The following PSMG1 variants were observed in gnomAD, a reference collection of about 807,000 sequenced individuals.
PSMG1 encodes proteasome assembly chaperone 1.
A neutral mutation model predicts 37.2 loss-of-function variants in PSMG1; 23 were observed. The ratio of observed to expected loss-of-function variants is 0.62; its 90% confidence interval spans 0.44 to 0.88. The LOEUF is 0.88. PSMG1 is among the 40% of genes least tolerant of loss of function. The pLI, the probability that PSMG1 is intolerant of heterozygous loss-of-function variation, is 0.00. For synonymous variants in PSMG1, 127 were observed against 128.0 expected (o/e 0.99, Z 0.05); for missense variants, 340 against 344.2 (o/e 0.99, Z 0.10).
intron 6 of PSMG1, 125 bp from the exon 7 acceptor site, chr21:39,175,789 C>A: frequency 1.6e-6 from 1 of 629,158 alleles, no homozygotes; most frequent in East Asian, 2.8e-5. Flanking sequence ...ACAGGCGTGG[C>A]CTTTACTCTC....
intron 1 of PSMG1, among the ~76,000 whole-genome samples, chr21:39,182,778 ACAT>A (rs1314413788): frequency 2.0e-5 from 3 of 152,160 alleles, no homozygotes; most frequent in Non-Finnish European, 4.4e-5. Context: ...GGCTACTGAC[ACAT>A]CATGCTAATT....
chr21:39,178,552 A>G lies in PSMG1; in HGVS notation c.552T>C (p.Leu184=), dbSNP rs1404330974. 3 of 1,614,158 alleles carry G rather than the reference A, an allele frequency of 1.9e-6. No individual in the cohort carries two copies. The highest frequency in any genetic ancestry group is 1.7e-5 in the Admixed American group (1 of 60,020). The change falls in exon 5 of 7, where the codon CTT becomes CTC. Residue 184 remains leucine, a synonymous_variant. Transcript: ENST00000331573. ...DYKTSESTGS[L]PSPFLRALKT... is the part of the protein sequence containing the mutation. ...TTAGGGCTCTCAGGAAAGGAGAAGG[A>G]AGGCTGCCGGTGGATTCTGAGGTTT...
intron 6 of PSMG1, among the ~76,000 whole-genome samples, chr21:39,176,631 CATGCCAGGT>C (rs2030635438): frequency 6.6e-6 from 1 of 152,220 alleles, no homozygotes; most frequent in African/African-American, 2.4e-5. Context: ...CTTTATTCAA[CATGCCAGGT>C]ATGTGGTAAA....
chr21:39,180,422 A>G lies in PSMG1; in HGVS notation c.256T>C (p.Phe86Leu), dbSNP rs953515284. 1 of 1,594,254 alleles carries G rather than the reference A, an allele frequency of 6.3e-7. No individual in the cohort carries two copies. The highest frequency in any genetic ancestry group is 1.4e-5 in the African/African-American group (1 of 74,066). Reference sequence around the variant, plus strand: ...TCCCAGACTCCTGAATTCATAACAAATGATGACAGAAATGCTGTAAAAAAC... The same window carrying G: ...TCCCAGACTCCTGAATTCATAACAAGTGATGACAGAAATGCTGTAAAAAAC... Reference protein sequence around the residue: ...GNNAVAFLSSFVMNSGVWEEV... With the variant: ...GNNAVAFLSSLVMNSGVWEEV... The change falls in exon 3 of 7, where the codon TTT becomes CTT. Residue 86 changes from phenylalanine to leucine, a missense_variant. Transcript: ENST00000331573.
At position 39,177,572 on chromosome 21, in the gene PSMG1, C is replaced by A; in HGVS notation, c.656-1G>T. On this transcript the variant is annotated splice_acceptor_variant, in intron 5 of 6. Transcript: ENST00000331573. LOFTEE classifies it high-confidence loss of function. Reference sequence around the variant, plus strand: ...TTCCATACTTGACAGTAGCTTAGAACTATGAATACACAAGAAAAAAAAACG... The same window carrying A: ...TTCCATACTTGACAGTAGCTTAGAAATATGAATACACAAGAAAAAAAAACG... 6.5e-7 allele frequency: 1 copy of A among 1,536,560 alleles called. No homozygotes were observed. The highest frequency in any genetic ancestry group is 1.7e-4 in the Middle Eastern group (1 of 5,792).
intron 4 of PSMG1, 112 bp from the exon 5 acceptor site, chr21:39,178,759 G>T: frequency 2.0e-6 from 2 of 1,001,248 alleles, no homozygotes; most frequent in South Asian, 1.7e-5. Context: ...TGCCTAGCAG[G>T]GGTGGGAGTG....
At chr21:39,179,527 C>T (rs2030745519) in intron 4 of PSMG1, among the ~76,000 whole-genome samples, 1 of 152,154 alleles carries the variant, frequency 6.6e-6, no homozygotes, top group East Asian at 1.9e-4. Context: ...TAAATGTCCT[C>T]TTCTATAAGT....
chr21:39,179,895 C>A (rs753900202), intron 4 of PSMG1, 29 bp downstream of exon 4: 1 of 1,602,348 alleles, frequency 6.2e-7, no homozygotes, highest in East Asian at 2.2e-5. Context: ...TGTAGACTAA[C>A]CATTCACAGG....
intron 4 of PSMG1, among the ~76,000 whole-genome samples, chr21:39,179,073 C>A (rs2030729710): frequency 6.6e-6 from 1 of 152,120 alleles, no homozygotes; most frequent in South Asian, 2.1e-4. Context: ...TCAAAAGAGG[C>A]TGGCTCCTCC....
chr21:39,179,861 G>T, intron 4 of PSMG1, 63 bp downstream of exon 4: 2 of 1,376,862 alleles, frequency 1.5e-6, no homozygotes, highest in South Asian at 1.3e-5. Context: ...AAAAGACATC[G>T]AACCCTTAAA....
chr21:39,181,461 A>C (rs1280902255), intron 2 of PSMG1, among the ~76,000 whole-genome samples: 1 of 151,724 alleles, frequency 6.6e-6, no homozygotes, highest in Non-Finnish European at 1.5e-5. Context: ...CAGTTTATTA[A>C]AAAGATAGTG....
intron 1 of PSMG1, 76 bp from the exon 2 acceptor site, chr21:39,181,954 G>A (rs909006976): frequency 1.2e-6 from 1 of 861,106 alleles, no homozygotes; most frequent in Non-Finnish European, 1.7e-6. Flanking sequence ...CTATATGTAT[G>A]ATTTACAATA....
upstream of PSMG1, chr21:39,183,459 C>T: frequency 6.8e-7 from 1 of 1,474,928 alleles, no homozygotes; most frequent in Non-Finnish European, 9.0e-7. Flanking sequence ...GACCACGCTC[C>T]CTCACCGCGC....
At position 39,174,776 on chromosome 21, in the gene PSMG1, T is replaced by C. The variant is rs1472135966; in HGVS notation, c.*814A>G. The C allele has an allele frequency of 6.6e-6, 1 of 152,206 alleles. No individual in the cohort carries two copies. Among genetic ancestry groups the C allele is most frequent in the Non-Finnish European group, 1.5e-5 (1 of 68,024 alleles). The allele number at this position is 152,206 out of a possible 1,614,324, so 9.4% of individuals were successfully genotyped here. The stretch of plus-strand genomic sequence containing the variant: ...CAGTTCAGTTTGTGGTCCTGTGAAG[T>C]TGTGTGGCTACTCCGGGTTCATGAT... On this transcript the variant is annotated 3_prime_UTR_variant, in exon 7 of 7. Transcript: ENST00000331573.
In PSMG1 at chr21:39,182,061, CG is replaced by C. The variant is rs573584782; in HGVS notation, c.135-184del. Among the ~76,000 whole-genome samples the C allele has an allele frequency of 4.6e-3, 704 of 152,296 alleles. 11 individuals are homozygous for C. Among genetic ancestry groups the C allele is most frequent in the African/African-American group, 0.017 (686 of 41,560 alleles). On this transcript the variant is annotated intron_variant, in intron 1 of 6. Transcript: ENST00000331573. The stretch of plus-strand genomic sequence containing the variant: ...AACCAACAGATAAAACTATTGCATA[CG>C]TGTTTACGGAGAACTCTAAAATAGT...
chr21:39,178,057 T>C (rs8130795), intron 5 of PSMG1, among the ~76,000 whole-genome samples: 1 of 151,956 alleles, frequency 6.6e-6, no homozygotes. Flanking sequence ...GGCAGATGTG[T>C]GTGATGGTAA....
intron 6 of PSMG1, among the ~76,000 whole-genome samples, chr21:39,176,607 A>T (rs1448459952): frequency 1.3e-5 from 2 of 152,228 alleles, no homozygotes; most frequent in East Asian, 3.8e-4. Context: ...TCTTCAACAA[A>T]TGGTTATTGA....
At position 39,183,260 on chromosome 21, in the gene PSMG1, C is replaced by T; in HGVS notation, c.126G>A (p.Ala42=). 2.5e-6 allele frequency: 4 copies of T among 1,583,410 alleles called. No homozygotes were observed. The South Asian group carries it at 4.6e-5, about 18-fold the overall frequency. ...PEDREVRLQL[A]RKREVRLLRR... is the part of the protein sequence containing the mutation. ...TTATCCCGGTGCCTCACCTCTTCCG[C>T]GCCAGCTGCAGACGCACCTCCCTGT... The change falls in exon 1 of 7, where the codon GCG becomes GCA. Residue 42 remains alanine (A), a synonymous_variant. Transcript: ENST00000331573.
At chr21:39,180,482 A>G (rs7280375) in intron 2 of PSMG1, 46 bp from the exon 3 acceptor site, 499,128 of 1,500,366 alleles carry the variant, frequency 0.33, 87,405 homozygotes, top group Middle Eastern at 0.37. Context: ...TCTGCAAGCT[A>G]TATTTTCTAT....
Sources: gnomAD v4.1 joint callset for allele counts (sites outside exome capture counted in the v4.1 genomes callset) on GRCh38, gnomAD v4.1.1 for gene constraint, MANE v1.5 for transcripts, NCBI Gene and HGNC (gene_info 2026-07-23, HGNC 2026-07-21) for gene names.